The following PTGER3 variants were observed in gnomAD, a reference collection of about 807,000 sequenced individuals.
The protein encoded by PTGER3 is prostaglandin E receptor 3, also known as prostaglandin E2 receptor EP3 subtype.
PTGER3 carries 22 observed loss-of-function variants against 34.7 expected under a neutral mutation model. That is an observed-to-expected ratio of 0.63 (90% CI 0.45 to 0.91). The LOEUF (loss-of-function observed/expected upper bound fraction) is 0.91, where lower values mean the gene tolerates loss of function less well. Among genes scored for constraint, PTGER3 ranks in the 40% least tolerant of loss-of-function variants. The pLI is 0.00. For missense variants in PTGER3, 468 were observed against 519.4 expected, an observed-to-expected ratio of 0.90 and a Z score of 0.96; for synonymous variants, 241 against 230.1, an observed-to-expected ratio of 1.05 and a Z score of -0.43.
chr1:70,985,485 G>A (rs181332054), intron 2 of PTGER3, among the ~76,000 whole-genome samples: 81 of 152,234 alleles, frequency 5.3e-4, no homozygotes, highest in Middle Eastern at 3.4e-3. Context: ...TCTCATAAAT[G>A]CAGAATGTTG....
intron 1 of PTGER3, among the ~76,000 whole-genome samples, chr1:71,014,864 CA>C (rs1196132347): frequency 6.6e-6 from 1 of 152,196 alleles, no homozygotes; most frequent in Non-Finnish European, 1.5e-5. Context: ...GTGCAGCTTC[CA>C]ATCCCAGCTG....
At chr1:71,023,491 G>A (rs1658609435) in intron 1 of PTGER3, among the ~76,000 whole-genome samples, 1 of 151,794 alleles carries the variant, frequency 6.6e-6, no homozygotes, top group African/African-American at 2.4e-5. Flanking sequence ...TCATCTCAAT[G>A]GCTTCAAACC....
chr1:70,880,705 A>C (rs896262248), intron 4 of PTGER3, among the ~76,000 whole-genome samples: 11 of 151,834 alleles, frequency 7.2e-5, no homozygotes, highest in African/African-American at 2.7e-4. Context: ...AAAGAAAAAA[A>C]AAAAAAAGAA....
At chr1:70,984,924 T>A (rs1654768154) in intron 2 of PTGER3, among the ~76,000 whole-genome samples, 1 of 152,166 alleles carries the variant, frequency 6.6e-6, no homozygotes, top group African/African-American at 2.4e-5. Context: ...TTCAAAAACT[T>A]CCAAATACAT....
chr1:71,040,647 G>T (rs538875310), intron 1 of PTGER3, among the ~76,000 whole-genome samples: 2 of 152,138 alleles, frequency 1.3e-5, no homozygotes, highest in East Asian at 3.9e-4. Context: ...AACACGTATT[G>T]GGCAGACCTT....
chr1:70,997,510 A>C (rs1415139296), intron 2 of PTGER3, among the ~76,000 whole-genome samples: 1 of 152,212 alleles, frequency 6.6e-6, no homozygotes, highest in African/African-American at 2.4e-5. Flanking sequence ...TTCATATTCG[A>C]TGAAGTCAAT....
chr1:70,905,833 A>G (rs1442817017), intron 4 of PTGER3, among the ~76,000 whole-genome samples: 1 of 152,104 alleles, frequency 6.6e-6, no homozygotes, highest in Non-Finnish European at 1.5e-5. Flanking sequence ...ATTGGTTTTG[A>G]AATGTGAGAA....
intron 4 of PTGER3, among the ~76,000 whole-genome samples, chr1:70,915,952 C>A (rs1027453986): frequency 6.6e-6 from 1 of 151,860 alleles, no homozygotes; most frequent in African/African-American, 2.4e-5. Flanking sequence ...AAACAGACAA[C>A]TAGAAAATGG....
intron 2 of PTGER3, chr1:71,005,988 T>G (rs998292599): frequency 1.7e-5 from 9 of 533,082 alleles, no homozygotes; most frequent in African/African-American, 1.6e-4. Flanking sequence ...CATCATCATC[T>G]CAAACATTTA....
chr1:70,870,214 C>T (rs1646133511), intron 4 of PTGER3, among the ~76,000 whole-genome samples: 2 of 152,186 alleles, frequency 1.3e-5, no homozygotes, highest in Admixed American at 6.5e-5. Flanking sequence ...CTGAGCTACT[C>T]CTGGGCCCCT....
intron 2 of PTGER3, chr1:71,007,620 T>G: frequency 2.0e-6 from 2 of 985,376 alleles, no homozygotes; most frequent in African/African-American, 3.5e-5. Flanking sequence ...CCCACCCACA[T>G]GAGTATCCTT....
At chr1:70,952,861 G>T in exon 4 of PTGER3, 1 of 1,532,398 alleles carries the variant, frequency 6.5e-7, no homozygotes, top group South Asian at 1.3e-5. Context: ...AGCTGGAGGA[G>T]CTTGCTTTTT....
chr1:70,950,332 T>G (rs188170324), downstream of PTGER3, among the ~76,000 whole-genome samples: 2 of 152,262 alleles, frequency 1.3e-5, no homozygotes, highest in Admixed American at 1.3e-4. Flanking sequence ...ATAAATAAAT[T>G]TTTGCCAGAA....
At chr1:70,957,249 C>G (rs1445789543) in intron 2 of PTGER3, among the ~76,000 whole-genome samples, 1 of 152,118 alleles carries the variant, frequency 6.6e-6, no homozygotes, top group Admixed American at 6.6e-5. Context: ...AACTTCAACC[C>G]CTAAATGAGT....
At chr1:71,021,538 C>A (rs1014270174) in intron 1 of PTGER3, among the ~76,000 whole-genome samples, 1 of 149,566 alleles carries the variant, frequency 6.7e-6, no homozygotes. Flanking sequence ...ATTTCAAACA[C>A]CTATATTTCA....
chr1:70,864,156 T>A (rs1645990337), intron 4 of PTGER3, among the ~76,000 whole-genome samples: 1 of 152,144 alleles, frequency 6.6e-6, no homozygotes. Context: ...CCACCACAGC[T>A]TTTACCACCT....
chr1:70,945,499 G>T (rs1259851748), intron 4 of PTGER3, among the ~76,000 whole-genome samples: 1 of 152,104 alleles, frequency 6.6e-6, no homozygotes, highest in Non-Finnish European at 1.5e-5. Context: ...GGAGTCATGG[G>T]ATAACAGATC....
intron 4 of PTGER3, among the ~76,000 whole-genome samples, chr1:70,940,081 G>T (rs1649615008): frequency 6.6e-6 from 1 of 152,144 alleles, no homozygotes; most frequent in Non-Finnish European, 1.5e-5. Flanking sequence ...TTGATGCTTA[G>T]AAATTTCTTC....
At chr1:70,864,873 G>T (rs1162812836) in intron 4 of PTGER3, among the ~76,000 whole-genome samples, 1 of 152,122 alleles carries the variant, frequency 6.6e-6, no homozygotes, top group Non-Finnish European at 1.5e-5. Context: ...GCTGGGATTT[G>T]GTTGCTTTTT....
Sources: gnomAD v4.1 joint callset for allele counts (sites outside exome capture counted in the v4.1 genomes callset) on GRCh38, gnomAD v4.1.1 for gene constraint, MANE v1.5 for transcripts, NCBI Gene and HGNC (gene_info 2026-07-23, HGNC 2026-07-21) for gene names.